AK9: variants seen among roughly 807,000 people sequenced by gnomAD.
The protein encoded by AK9 is adenylate kinase domain containing 1.
In AK9, 191 loss-of-function variants were observed where a neutral mutation model predicts 239.6. That is an observed-to-expected ratio of 0.80 (90% CI 0.71 to 0.90). The LOEUF (loss-of-function observed/expected upper bound fraction) is 0.90, where lower values mean the gene tolerates loss of function less well. Among genes scored for constraint, AK9 ranks in the 40% least tolerant of loss-of-function variants. The pLI, the probability that AK9 is intolerant of heterozygous loss-of-function variation, is 0.00. For missense variants in AK9, 1,995 were observed against 2,214.7 expected, an observed-to-expected ratio of 0.90 and a Z score of 1.99; for synonymous variants, 689 against 721.0, an observed-to-expected ratio of 0.96 and a Z score of 0.71.
At chr6:109,682,948 A>T (rs1056707843) in intron 1 of AK9, among the ~76,000 whole-genome samples, 6 of 152,220 alleles carry the variant, frequency 3.9e-5, no homozygotes, top group African/African-American at 1.4e-4. Context: ...ACAACAAAAA[A>T]AGAAAATTTC....
At chr6:109,542,967 G>A (rs961612393) in intron 26 of AK9, among the ~76,000 whole-genome samples, 7 of 151,836 alleles carry the variant, frequency 4.6e-5, no homozygotes, top group South Asian at 2.1e-4. Flanking sequence ...TCACACACAC[G>A]CCTATAAGGC....
chr6:109,629,136 G>T (rs1444272680), intron 12 of AK9, among the ~76,000 whole-genome samples: 1 of 151,874 alleles, frequency 6.6e-6, no homozygotes, highest in Non-Finnish European at 1.5e-5. Context: ...TAGAGAAAAG[G>T]TCTCACCATT....
At chr6:109,538,606 T>C (rs1462188150) in intron 27 of AK9, among the ~76,000 whole-genome samples, 1 of 151,988 alleles carries the variant, frequency 6.6e-6, no homozygotes, top group South Asian at 2.1e-4. Context: ...CCCATTTACA[T>C]TTAAGGTTAA....
intron 21 of AK9, among the ~76,000 whole-genome samples, chr6:109,565,205 T>C (rs1786313280): frequency 1.3e-5 from 2 of 152,296 alleles, no homozygotes; most frequent in Middle Eastern, 3.4e-3. Context: ...AAGCCAGGCA[T>C]AGTGAATTGT....
At chr6:109,534,325 A>C (rs1297957241) in intron 27 of AK9, among the ~76,000 whole-genome samples, 1 of 149,844 alleles carries the variant, frequency 6.7e-6, no homozygotes, top group Non-Finnish European at 1.5e-5. Flanking sequence ...AATTTATTTT[A>C]ATTAGAGAGC....
chr6:109,566,538 A>G (rs1786543721), intron 21 of AK9, among the ~76,000 whole-genome samples: 1 of 152,200 alleles, frequency 6.6e-6, no homozygotes. Flanking sequence ...ATAAAGATAG[A>G]TTAAAATAAA....
At chr6:109,635,313 A>G (rs768069897) in intron 10 of AK9, among the ~76,000 whole-genome samples, 1 of 152,198 alleles carries the variant, frequency 6.6e-6, no homozygotes, top group Non-Finnish European at 1.5e-5. Flanking sequence ...GGGAGGGGTA[A>G]GAACAACAAG....
intron 5 of AK9, among the ~76,000 whole-genome samples, chr6:109,667,826 A>T (rs1450980442): frequency 6.6e-6 from 1 of 152,170 alleles, no homozygotes; most frequent in African/African-American, 2.4e-5. Context: ...GGTTGGTTCC[A>T]AGTCTTTGCT....
rs142787193 is a variant in AK9, at chr6:109,575,913, T to C, written c.2192-2319A>G. Reference sequence around the variant, plus strand: ...AATTATCCCAGCACCATTTGTTGAATAGGGTGTCCTTTCTCCATTTTATGT... The same window carrying C: ...AATTATCCCAGCACCATTTGTTGAACAGGGTGTCCTTTCTCCATTTTATGT... On this transcript the variant is annotated intron_variant, in intron 20 of 40. Coordinates refer to ENST00000424296, the MANE Select transcript of AK9 (RefSeq NM_001145128.3). Among the ~76,000 whole-genome samples, 422 of 152,328 alleles carry C rather than the reference T, an allele frequency of 2.8e-3. 1 individual carries two copies. Among genetic ancestry groups the C allele is most frequent in the African/African-American group, 9.7e-3 (403 of 41,586 alleles).
chr6:109,675,850 C>T, intron 1 of AK9, 94 bp from the exon 2 acceptor site: 1 of 716,082 alleles, frequency 1.4e-6, no homozygotes, highest in South Asian at 1.9e-5. Context: ...TTTCTTAGCC[C>T]AGAAGTCATT....
Position 109,533,409 on chromosome 6 carries a change from C to A in AK9, c.3412G>T (p.Asp1138Tyr). 27 of 1,610,994 alleles carry A rather than the reference C, an allele frequency of 1.7e-5. No homozygotes were observed. Among genetic ancestry groups the A allele is most frequent in the East Asian group, 2.2e-5 (1 of 44,814 alleles). ...RYPEEAQFLG[D>Y]RGFFPDAAVF... ...GCTGCATCTGGGAAAAATCCACGAT[C>A]TCCCAAAAACTGGGCCTCTTCTGGA... The change falls in exon 28 of 41, where the codon GAT becomes TAT. Residue 1138 changes from aspartate (D) to tyrosine (Y), a missense_variant. Physicochemically the swap from Asp to Tyr is radical, Grantham distance 160. Coordinates refer to ENST00000424296, the MANE Select transcript of AK9 (RefSeq NM_001145128.3).
intron 6 of AK9, among the ~76,000 whole-genome samples, 161 bp downstream of exon 6, chr6:109,662,390 G>C (rs1280228444): frequency 6.6e-6 from 1 of 152,168 alleles, no homozygotes; most frequent in Non-Finnish European, 1.5e-5. Context: ...GGAGCTTTAG[G>C]AGCAAGAGCA....
At chr6:109,599,049 C>A (rs1791510334) in intron 17 of AK9, among the ~76,000 whole-genome samples, 1 of 152,160 alleles carries the variant, frequency 6.6e-6, no homozygotes, top group Non-Finnish European at 1.5e-5. Context: ...ATGGTAGTTT[C>A]TTTTGCTGGG....
chr6:109,657,658 T>C (rs907831162), intron 7 of AK9, among the ~76,000 whole-genome samples: 1 of 152,038 alleles, frequency 6.6e-6, no homozygotes, highest in African/African-American at 2.4e-5. Context: ...CATTAACTCG[T>C]CATTTACATT....
intron 24 of AK9, among the ~76,000 whole-genome samples, chr6:109,559,208 GC>G (rs1198527981): frequency 6.7e-6 from 1 of 148,688 alleles, no homozygotes; most frequent in Non-Finnish European, 1.5e-5. Context: ...TCTCTCTGTC[GC>G]CCAGGCGGAG....
intron 5 of AK9, among the ~76,000 whole-genome samples, chr6:109,667,771 A>G (rs1231635740): frequency 6.6e-6 from 1 of 152,164 alleles, no homozygotes; most frequent in Non-Finnish European, 1.5e-5. Flanking sequence ...CATGATGTAT[A>G]TGTGCCACAT....
chr6:109,515,800 T>A (rs1340564783), intron 31 of AK9, 57 bp downstream of exon 31: 22 of 1,428,456 alleles, frequency 1.5e-5, no homozygotes, highest in Non-Finnish European at 2.1e-5. Context: ...AAAAAAGACA[T>A]ACCTTTGAAA....
At chr6:109,604,511 T>C (rs990113093) in intron 17 of AK9, among the ~76,000 whole-genome samples, 1 of 152,212 alleles carries the variant, frequency 6.6e-6, no homozygotes, top group Non-Finnish European at 1.5e-5. Flanking sequence ...ATGTAACCTT[T>C]GGCATATACT....
intron 25 of AK9, among the ~76,000 whole-genome samples, chr6:109,546,699 T>A (rs945997633): frequency 6.6e-6 from 1 of 152,002 alleles, no homozygotes; most frequent in African/African-American, 2.4e-5. Context: ...TATATCCGAG[T>A]AGGATAAGCC....
Sources: allele counts gnomAD v4.1 joint callset (sites outside exome capture counted in the v4.1 genomes callset), GRCh38; gene constraint gnomAD v4.1.1; transcripts MANE v1.5; gene names NCBI Gene and HGNC (gene_info 2026-07-23, HGNC 2026-07-21).